Variants in SNTG2 observed in about 807,000 individuals in gnomAD.
SNTG2 encodes the protein syntrophin gamma 2.
SNTG2 carries 74 observed loss-of-function variants against 70.9 expected under a neutral mutation model. The observed-to-expected ratio is 1.04, with a 90% CI of 0.86 to 1.27. The LOEUF (loss-of-function observed/expected upper bound fraction) is 1.27. SNTG2 is among the 50% of genes most tolerant of loss of function. SNTG2 has a pLI of 0.00. For synonymous variants in SNTG2, 278 were observed against 273.8 expected (o/e 1.02, Z -0.15); for missense variants, 717 against 690.7 (o/e 1.04, Z -0.43).
intron 14 of SNTG2, among the ~76,000 whole-genome samples, chr2:1,306,685 A>AGAGTGTGTGTGT (rs1553276236): frequency 2.0e-5 from 3 of 149,006 alleles, no homozygotes; most frequent in Non-Finnish European, 4.5e-5. Context: ...CCAGGGTGTG[A>AGAGTGTGTGTGT]GTGTGTGTGT....
chr2:1,155,174 C>A (rs111214711), intron 6 of SNTG2, among the ~76,000 whole-genome samples: 12,905 of 146,604 alleles, frequency 0.088, 986 homozygotes, highest in African/African-American at 0.2. Flanking sequence ...CGTAGACCCC[C>A]CCCCCACACA....
At chr2:1,253,769 C>G (rs935941763) in intron 12 of SNTG2, among the ~76,000 whole-genome samples, 1 of 152,082 alleles carries the variant, frequency 6.6e-6, no homozygotes, top group Admixed American at 6.5e-5. Flanking sequence ...ACAGGAAGCA[C>G]GTCTGGGGAA....
At chr2:1,295,343 A>G (rs528230089) in intron 14 of SNTG2, among the ~76,000 whole-genome samples, 1 of 152,124 alleles carries the variant, frequency 6.6e-6, no homozygotes, top group Admixed American at 6.5e-5. Context: ...TCCCAGAATA[A>G]TTTTTTCCAA....
intron 16 of SNTG2, among the ~76,000 whole-genome samples, chr2:1,322,714 G>A (rs940653042): frequency 3.3e-5 from 5 of 151,938 alleles, no homozygotes; most frequent in Middle Eastern, 3.4e-3. Context: ...GGGTACCTGA[G>A]TAATCTGTGG....
intron 8 of SNTG2, among the ~76,000 whole-genome samples, chr2:1,179,528 C>G (rs1256791247): frequency 6.6e-6 from 1 of 152,004 alleles, no homozygotes; most frequent in African/African-American, 2.4e-5. Context: ...AGGACCTCTT[C>G]AAGGAGAACT....
chr2:1,259,987 G>A (rs556270151), intron 13 of SNTG2, among the ~76,000 whole-genome samples: 3 of 152,324 alleles, frequency 2.0e-5, no homozygotes, highest in Non-Finnish European at 2.9e-5. Flanking sequence ...ACAGCAAGGC[G>A]ACGATGCGCT....
At chr2:1,036,732 A>G (rs917009896) in intron 1 of SNTG2, among the ~76,000 whole-genome samples, 3 of 151,150 alleles carry the variant, frequency 2.0e-5, no homozygotes, top group African/African-American at 4.8e-5. Flanking sequence ...TGATCCCCCA[A>G]TTGTGTTAAT....
At chr2:1,034,218 T>G (rs1379575835) in intron 1 of SNTG2, among the ~76,000 whole-genome samples, 2 of 152,158 alleles carry the variant, frequency 1.3e-5, no homozygotes, top group Non-Finnish European at 2.9e-5. Flanking sequence ...GGCCTTCTGT[T>G]CTTGGGTTAG....
intron 14 of SNTG2, among the ~76,000 whole-genome samples, chr2:1,307,939 G>T (rs948992380): frequency 6.6e-6 from 1 of 152,226 alleles, no homozygotes; most frequent in African/African-American, 2.4e-5. Context: ...GCTTCAGACT[G>T]CAGACCTTCT....
At chr2:986,862 A>C (rs1458745321) in intron 1 of SNTG2, among the ~76,000 whole-genome samples, 1 of 152,288 alleles carries the variant, frequency 6.6e-6, no homozygotes, top group Non-Finnish European at 1.5e-5. Context: ...GCAATTTTAG[A>C]GTACATAACT....
intron 1 of SNTG2, among the ~76,000 whole-genome samples, chr2:958,348 A>C (rs1660240528): frequency 6.6e-6 from 1 of 152,232 alleles, no homozygotes; most frequent in Non-Finnish European, 1.5e-5. Flanking sequence ...TGTCATACAA[A>C]ATGGGAACAG....
intron 8 of SNTG2, among the ~76,000 whole-genome samples, chr2:1,176,844 G>A (rs139438888): frequency 6.6e-6 from 1 of 152,176 alleles, no homozygotes; most frequent in Non-Finnish European, 1.5e-5. Context: ...ATGATGTCGA[G>A]GTTGCAGAGA....
Position 1,199,672 on chromosome 2 carries a change from G to A in SNTG2, c.592-9431G>A, listed in dbSNP as rs1673157984. Among the ~76,000 whole-genome samples the A allele has an allele frequency of 3.3e-5, 5 of 152,028 alleles. No homozygotes were observed. In the South Asian group the frequency reaches 1.0e-3, roughly 31 times the overall value. ...AATACTAATAAAATATTTCAGGAAA[G>A]TTGCAGGATAAAGAATCAATACACA... On this transcript the variant is annotated intron_variant, in intron 8 of 16. Coordinates refer to ENST00000308624, the MANE Select transcript of SNTG2 (RefSeq NM_018968.4).
intron 16 of SNTG2, among the ~76,000 whole-genome samples, chr2:1,321,868 T>TCCCTCCTTCCTTGCCTC (rs1553279139): frequency 0.54 from 79,001 of 146,774 alleles, 20,739 homozygotes; most frequent in Middle Eastern, 0.68. Flanking sequence ...CCTTCTTTCT[T>TCCCTCCTTCCTTGCCTC]CCTCCCTCCT....
At chr2:1,001,306 T>C (rs1025452803) in intron 1 of SNTG2, among the ~76,000 whole-genome samples, 2 of 151,996 alleles carry the variant, frequency 1.3e-5, no homozygotes, top group Non-Finnish European at 1.5e-5. Context: ...GACATCCCAA[T>C]TGGAAAAGAG....
intron 1 of SNTG2, among the ~76,000 whole-genome samples, chr2:995,374 C>G (rs1273022942): frequency 6.6e-6 from 1 of 151,934 alleles, no homozygotes; most frequent in Non-Finnish European, 1.5e-5. Flanking sequence ...TGGATAAATT[C>G]CTTTCAGATG....
intron 8 of SNTG2, among the ~76,000 whole-genome samples, chr2:1,208,050 C>G (rs1000955407): frequency 4.6e-5 from 7 of 152,220 alleles, no homozygotes; most frequent in African/African-American, 1.7e-4. Flanking sequence ...CACGGCGCCC[C>G]TGCTTACAGA....
chr2:1,017,434 GAC>G lies in SNTG2; in HGVS notation c.73-66080_73-66079del, dbSNP rs1335450930. On this transcript the variant is annotated intron_variant, in intron 1 of 16. Coordinates refer to ENST00000308624, the MANE Select transcript of SNTG2 (RefSeq NM_018968.4). ...ACATGGAGCTACGTGTACACATGCA[GAC>G]ACATGCAATGTGCATGCACAAACAT... Among the ~76,000 whole-genome samples the G allele has an allele frequency of 5.3e-5, 8 of 152,280 alleles. No individual in the cohort carries two copies. In the South Asian group the frequency reaches 1.5e-3, roughly 28 times the overall value.
chr2:1,181,735 C>G (rs1671913408), intron 8 of SNTG2, among the ~76,000 whole-genome samples: 2 of 152,162 alleles, frequency 1.3e-5, no homozygotes, highest in African/African-American at 4.8e-5. Flanking sequence ...TCACATTTCT[C>G]ATTTCTTTTT....
Sources: gnomAD v4.1 joint callset for allele counts (sites outside exome capture counted in the v4.1 genomes callset) on GRCh38, gnomAD v4.1.1 for gene constraint, MANE v1.5 for transcripts, NCBI Gene and HGNC (gene_info 2026-07-23, HGNC 2026-07-21) for gene names.